Variants in NAA16 observed in about 807,000 individuals in gnomAD.
The protein encoded by NAA16 is NARG1-like protein.
NAA16 carries 97 observed loss-of-function variants against 110.3 expected under a neutral mutation model. The observed-to-expected ratio is 0.88, with a 90% confidence interval of 0.75 to 1.04. NAA16 has a LOEUF of 1.04. NAA16 is among the 50% of genes least tolerant of loss of function. NAA16 has a pLI of 0.00. For missense variants in NAA16, 1,017 were observed against 1,005.1 expected (o/e 1.01, Z -0.16); for synonymous variants, 372 against 330.6 (o/e 1.13, Z -1.36).
chr13:41,325,874 A>G lies in NAA16; in HGVS notation c.691+23A>G, dbSNP rs778570354. 2.5e-6 allele frequency: 4 copies of G among 1,580,690 alleles called. No homozygotes were observed. In the South Asian group the frequency reaches 4.7e-5, roughly 19 times the overall value. Reference sequence around the variant, plus strand: ...AAGGTAAGTTGGCTTGCCTTTTTTTAATAGCCTCAAACAGAAAACAAAAAA... The same window carrying G: ...AAGGTAAGTTGGCTTGCCTTTTTTTGATAGCCTCAAACAGAAAACAAAAAA... On this transcript the variant is annotated intron_variant, in intron 6 of 19. Transcript: ENST00000379406.
Position 41,375,681 on chromosome 13 carries a change from T to C in NAA16, c.*79T>C. The stretch of plus-strand genomic sequence containing the variant: ...TTCTTTTCCAGGGTGCATTTTAATA[T>C]ACGTATGAAATGAAATATTTGGTTA... On this transcript the variant is annotated 3_prime_UTR_variant, in exon 20 of 20. Coordinates refer to ENST00000379406, the MANE Select transcript of NAA16 (RefSeq NM_024561.5). 1.9e-6 allele frequency: 2 copies of C among 1,052,826 alleles called. No homozygotes were observed. The highest frequency in any genetic ancestry group is 2.1e-4 in the Middle Eastern group (1 of 4,704). The allele number at this position is 1,052,826 out of a possible 1,614,324, so 65.2% of individuals were successfully genotyped here.
At chr13:41,348,255 C>T (rs2042736387) in intron 9 of NAA16, among the ~76,000 whole-genome samples, 1 of 152,072 alleles carries the variant, frequency 6.6e-6, no homozygotes, top group Non-Finnish European at 1.5e-5. Context: ...GCAACCTCCA[C>T]CTCGCGGGTT....
intron 6 of NAA16, 116 bp downstream of exon 6, chr13:41,325,967 C>G (rs190629026): frequency 1.4e-6 from 1 of 735,390 alleles, no homozygotes; most frequent in Non-Finnish European, 2.0e-6. Flanking sequence ...GTTCCAAACA[C>G]GATTATTAAG....
Position 41,323,165 on chromosome 13 carries a change from TG to T in NAA16, c.514del (p.Glu172LysfsTer14). On this transcript the variant is annotated frameshift_variant, in exon 5 of 20. Transcript: ENST00000379406. LOFTEE classifies it high-confidence loss of function. ...LKDYDMALKL[L>X]EEFRQTQQVP... Reference sequence around the variant, plus strand: ...GATTATGATATGGCCCTAAAACTGTTGGAAGAATTTAGACAAACTCAGCAAG... The same window carrying T: ...GATTATGATATGGCCCTAAAACTGTTGAAGAATTTAGACAAACTCAGCAAG... The T allele has an allele frequency of 6.2e-7, 1 of 1,614,008 alleles. No homozygotes were observed. Among genetic ancestry groups the T allele is most frequent in the Non-Finnish European group, 8.5e-7 (1 of 1,179,958 alleles).
intron 1 of NAA16, among the ~76,000 whole-genome samples, chr13:41,314,984 A>G (rs781222192): frequency 1.3e-5 from 2 of 152,174 alleles, no homozygotes; most frequent in Non-Finnish European, 2.9e-5. Context: ...ACAGAGTGAG[A>G]CTGTCTCTAA....
At chr13:41,359,788 A>G (rs1315553227) in intron 12 of NAA16, among the ~76,000 whole-genome samples, 1 of 152,180 alleles carries the variant, frequency 6.6e-6, no homozygotes, top group African/African-American at 2.4e-5. Context: ...CTAATATAAT[A>G]GAAAATTTCA....
intron 10 of NAA16, among the ~76,000 whole-genome samples, chr13:41,356,516 C>T (rs1378524160): frequency 6.9e-6 from 1 of 144,564 alleles, no homozygotes; most frequent in Non-Finnish European, 1.5e-5. Context: ...AAGAAGTCAT[C>T]GCAGTGCCAT....
intron 17 of NAA16, 128 bp downstream of exon 17, chr13:41,372,958 A>G (rs1046819921): frequency 2.5e-4 from 289 of 1,157,544 alleles, no homozygotes; most frequent in Non-Finnish European, 2.8e-4. Context: ...CCTGATTTGT[A>G]TTTTCATGAT....
At chr13:41,338,763 C>CA (rs1210199589) in intron 9 of NAA16, among the ~76,000 whole-genome samples, 2 of 151,410 alleles carry the variant, frequency 1.3e-5, no homozygotes, top group Non-Finnish European at 2.9e-5. Context: ...TTTGTAGTTT[C>CA]AAAAAAATTA....
chr13:41,336,569 G>T (rs2042386988), intron 8 of NAA16, 81 bp from the exon 9 acceptor site: 2 of 842,136 alleles, frequency 2.4e-6, no homozygotes, highest in Non-Finnish European at 3.7e-6. Flanking sequence ...GCTTCTGAGG[G>T]AGCTTTATTT....
intron 9 of NAA16, among the ~76,000 whole-genome samples, chr13:41,349,721 T>TG (rs776613708): frequency 1.8e-4 from 27 of 152,088 alleles, no homozygotes; most frequent in Non-Finnish European, 3.5e-4. Flanking sequence ...TACCAACCCT[T>TG]GGGGAGGCCG....
In NAA16 at chr13:41,375,802, C is replaced by G. The variant is rs1029335079; in HGVS notation, c.*200C>G. ...TGTTAAAATTACCTGTTTATTCTTA[C>G]ACAGTTTTGTGGTAGCTCCGATCGC... On this transcript the variant is annotated 3_prime_UTR_variant, in exon 20 of 20. Coordinates refer to ENST00000379406, the MANE Select transcript of NAA16 (RefSeq NM_024561.5). 2.1e-6 allele frequency: 1 copy of G among 474,172 alleles called. No individual in the cohort carries two copies. The highest frequency in any genetic ancestry group is 2.0e-5 in the African/African-American group (1 of 50,794). The allele number at this position is 474,172 out of a possible 1,614,324, so 29.4% of individuals were successfully genotyped here. A position where few individuals can be genotyped will look rare whatever the true frequency, so the allele number is the denominator to read the frequency against.
intron 17 of NAA16, 78 bp from the exon 18 acceptor site, chr13:41,373,559 T>C: frequency 6.9e-7 from 1 of 1,453,788 alleles, no homozygotes. Context: ...CGCCCAGCCA[T>C]AAAGGGTTTT....
chr13:41,349,591 T>C (rs1320130631), intron 9 of NAA16, among the ~76,000 whole-genome samples: 1 of 152,190 alleles, frequency 6.6e-6, no homozygotes, highest in Non-Finnish European at 1.5e-5. Flanking sequence ...CTGTATTTAT[T>C]CCAAAAGATA....
At chr13:41,355,068 TG>T (rs2042947391) in intron 9 of NAA16, 75 bp from the exon 10 acceptor site, 11 of 869,496 alleles carry the variant, frequency 1.3e-5, no homozygotes, top group Non-Finnish European at 2.0e-5. Flanking sequence ...ATTTTCCAAA[TG>T]TAATTTAAAC....
chr13:41,370,889 G>A (rs2043302849), intron 15 of NAA16, among the ~76,000 whole-genome samples: 1 of 152,142 alleles, frequency 6.6e-6, no homozygotes, highest in African/African-American at 2.4e-5. Flanking sequence ...TGAAAGTCTG[G>A]AAGGATTACA....
intron 9 of NAA16, among the ~76,000 whole-genome samples, chr13:41,347,348 T>A (rs2042714621): frequency 1.3e-5 from 2 of 152,178 alleles, no homozygotes; most frequent in Admixed American, 1.3e-4. Context: ...TTCCTTTTAT[T>A]TCCATTTGAA....
In NAA16 at chr13:41,328,821, C is replaced by T. The variant is rs2042159791; in HGVS notation, c.789C>T (p.Gly263=). ...RNAENWCYYE[G]LEKALQISTL... is the part of the protein sequence containing the mutation. Reference sequence around the variant, plus strand: ...CAGAAAATTGGTGTTATTATGAAGGCTTGGAAAAAGCTCTACAAATTAGTA... The same window carrying T: ...CAGAAAATTGGTGTTATTATGAAGGTTTGGAAAAAGCTCTACAAATTAGTA... Residue 263 remains glycine (G), a synonymous_variant, in exon 7 of 20, where the codon GGC becomes GGT. Transcript: ENST00000379406. 5 of 1,603,218 alleles carry T rather than the reference C, an allele frequency of 3.1e-6. No individual in the cohort carries two copies. The highest frequency in any genetic ancestry group is 4.3e-6 in the Non-Finnish European group (5 of 1,171,290).
chr13:41,326,318 G>A (rs974717928), intron 6 of NAA16, among the ~76,000 whole-genome samples: 6 of 151,952 alleles, frequency 3.9e-5, no homozygotes, highest in Admixed American at 3.9e-4. Context: ...ATCAACAAGG[G>A]GTCAAACAAA....
Sources: allele counts gnomAD v4.1 joint callset (sites outside exome capture counted in the v4.1 genomes callset), GRCh38; gene constraint gnomAD v4.1.1; transcripts MANE v1.5; gene names NCBI Gene and HGNC (gene_info 2026-07-23, HGNC 2026-07-21).